Variants in SERPINB9 observed in about 807,000 individuals in gnomAD.
SERPINB9 encodes the protein serpin family B member 9, also known as serpin B9.
A neutral mutation model predicts 27.2 loss-of-function variants in SERPINB9; 20 were observed. That is an observed-to-expected ratio of 0.74 (90% CI 0.52 to 1.07). The LOEUF (loss-of-function observed/expected upper bound fraction) is 1.07. Among genes scored for constraint, SERPINB9 ranks in the 50% least tolerant of loss-of-function variants. SERPINB9 has a pLI of 0.00. For missense variants in SERPINB9, 476 were observed against 460.1 expected, an observed-to-expected ratio of 1.03 and a Z score of -0.32; for synonymous variants, 189 against 180.0, an observed-to-expected ratio of 1.05 and a Z score of -0.40.
chr6:2,897,370 G>T (rs1768035778), intron 2 of SERPINB9, among the ~76,000 whole-genome samples: 2 of 151,994 alleles, frequency 1.3e-5, no homozygotes, highest in African/African-American at 4.8e-5. Flanking sequence ...GGAGGCTGAG[G>T]CAGGAGAATC....
At position 2,896,074 on chromosome 6, in the gene SERPINB9, C is replaced by G. The variant is rs753168197; in HGVS notation, c.285G>C (p.Glu95Asp). ...LLRTANRLFG[E>D]KTCQFLSTFK... Reference sequence around the variant, plus strand: ...TTACTGAGAGGAACTGACAAGTTTTCTCTCCAAAGAGCCTGTTGGCCGTTC... The same window carrying G: ...TTACTGAGAGGAACTGACAAGTTTTGTCTCCAAAGAGCCTGTTGGCCGTTC... The change falls in exon 3 of 7, where the codon GAG (glutamate) becomes GAC (aspartate). Residue 95 changes from glutamate to aspartate, a missense_variant. By Grantham distance (45) the Glu-to-Asp change is conservative. Transcript: ENST00000380698. 3.1e-6 allele frequency: 5 copies of G among 1,613,134 alleles called. No individual in the cohort carries two copies. The East Asian group carries it at 1.1e-4, about 36-fold the overall frequency.
intron 1 of SERPINB9, among the ~76,000 whole-genome samples, chr6:2,902,691 T>C (rs1180432195): frequency 3.9e-5 from 6 of 152,032 alleles, no homozygotes; most frequent in Admixed American, 6.5e-5. Context: ...CTAATTTCTG[T>C]ATTTTTAGTA....
Position 2,895,585 on chromosome 6 carries a change from G to T in SERPINB9, c.307-77C>A. 3 of 863,982 alleles carry T rather than the reference G, an allele frequency of 3.5e-6. No homozygotes were observed. In the South Asian group the frequency reaches 4.4e-5, roughly 13 times the overall value. 53.5% of individuals were successfully genotyped at this position (863,982 alleles called of 1,614,324 possible). On this transcript the variant is annotated intron_variant, in intron 3 of 6. Transcript: ENST00000380698. ...GCAAACTTCCAAAAATTCTAAATAT[G>T]TTATCTTTTTTTAATAAAAAGAATA...
Position 2,890,040 on chromosome 6 carries a change from G to T in SERPINB9, c.*123C>A, listed in dbSNP as rs889219242. 1 of 842,916 alleles carries T rather than the reference G, an allele frequency of 1.2e-6. No individual in the cohort carries two copies. The highest frequency in any genetic ancestry group is 2.0e-5 in the South Asian group (1 of 51,100). 52.2% of individuals were successfully genotyped at this position (842,916 alleles called of 1,614,324 possible). ...TTCATGCTGGCAAATCATGAGGGCA[G>T]ACAGGTAAAGAATCTGCCCTCATCT... On this transcript the variant is annotated 3_prime_UTR_variant, in exon 7 of 7. Transcript: ENST00000380698. The surrounding 1 kb of genome is among the most constrained non-coding windows in gnomAD (Gnocchi z 6.2).
intron 4 of SERPINB9, 37 bp downstream of exon 4, chr6:2,895,354 G>T: frequency 1.5e-6 from 2 of 1,369,062 alleles, no homozygotes; most frequent in East Asian, 2.3e-5. Context: ...GGAGGAGGAC[G>T]GGTTGGGAGG....
chr6:2,890,615 A>C lies in SERPINB9; in HGVS notation c.724-45T>G. ...CTTTAAGATTCCGACTTCAGTGCAC[A>C]TGTACAAGCGCACAGGCACTCACAG... On this transcript the variant is annotated intron_variant, in intron 6 of 6. Transcript: ENST00000380698. This position sits in a 1 kb window ranked among gnomAD's most constrained non-coding sequence, Gnocchi z 6.2. The C allele has an allele frequency of 6.4e-7, 1 of 1,555,360 alleles. No homozygotes were observed. Among genetic ancestry groups the C allele is most frequent in the Non-Finnish European group, 8.8e-7 (1 of 1,141,892 alleles).
intron 3 of SERPINB9, 53 bp from the exon 4 acceptor site, chr6:2,895,561 CA>C: frequency 9.1e-7 from 1 of 1,103,492 alleles, no homozygotes; most frequent in South Asian, 1.3e-5. Flanking sequence ...CAAATGTCAG[CA>C]AACTTCCAAA....
intron 1 of SERPINB9, among the ~76,000 whole-genome samples, chr6:2,902,170 T>G (rs73345442): frequency 0.023 from 3,488 of 152,318 alleles, 127 homozygotes; most frequent in African/African-American, 0.08. Context: ...CAAACACTGT[T>G]GGTCCCCCTT....
chr6:2,898,112 A>G (rs7744863), intron 2 of SERPINB9, among the ~76,000 whole-genome samples: 1,553 of 152,096 alleles, frequency 0.01, 32 homozygotes, highest in African/African-American at 0.036. Context: ...CAAACAAAAA[A>G]CAGAATCTAT....
rs563359233 is a variant in SERPINB9 at position 2,889,649 on chromosome 6, C to G, written c.*514G>C. 2 of 146,442 alleles carry G rather than the reference C, an allele frequency of 1.4e-5. No homozygotes were observed. Among genetic ancestry groups the G allele is most frequent in the South Asian group, 2.1e-4 (1 of 4,656 alleles). The allele number at this position is 146,442 out of a possible 1,614,324, so 9.1% of individuals were successfully genotyped here. On this transcript the variant is annotated 3_prime_UTR_variant, in exon 7 of 7. Coordinates refer to ENST00000380698, the MANE Select transcript of SERPINB9 (RefSeq NM_004155.6). Reference sequence around the variant, plus strand: ...GGCGGAGCTTGCAGTGAGCCGAGATCGAGCCACTGCACTCCAGCCTGGGCG... The same window carrying G: ...GGCGGAGCTTGCAGTGAGCCGAGATGGAGCCACTGCACTCCAGCCTGGGCG...
At chr6:2,902,175 C>T (rs1768227421) in intron 1 of SERPINB9, among the ~76,000 whole-genome samples, 1 of 152,200 alleles carries the variant, frequency 6.6e-6, no homozygotes, top group Admixed American at 6.5e-5. Context: ...ACTGTTGGTC[C>T]CCCTTAGAAG....
intron 1 of SERPINB9, among the ~76,000 whole-genome samples, chr6:2,900,883 TCTCA>T (rs1561648786): frequency 3.8e-5 from 1 of 26,528 alleles, no homozygotes; most frequent in Non-Finnish European, 6.5e-5. Context: ...GAGCTCGCTC[TCTCA>T]CACACACACA....
chr6:2,890,389 G>A lies in SERPINB9; in HGVS notation c.905C>T (p.Ala302Val). The change falls in exon 7 of 7, where the codon GCA becomes GTA. Residue 302 changes from alanine (A) to valine (V), a missense_variant. Ala to Val is a moderately conservative substitution (Grantham distance 64, BLOSUM62 0). Transcript: ENST00000380698. The surrounding 1 kb of genome is among the most constrained non-coding windows in gnomAD (Gnocchi z 6.2). Reference sequence around the variant, plus strand: ...ACACAGGTCTCTCTCCGCTGACATTGCCGACAAGTCAGCCTTGCCCTGTTG... The same window carrying A: ...ACACAGGTCTCTCTCCGCTGACATTACCGACAAGTCAGCCTTGCCCTGTTG... ...AFQQGKADLS[A>V]MSAERDLCLS... is the part of the protein sequence containing the mutation. 3 of 1,614,196 alleles carry A rather than the reference G, an allele frequency of 1.9e-6. No homozygotes were observed. Among genetic ancestry groups the A allele is most frequent in the South Asian group, 2.2e-5 (2 of 91,086 alleles).
chr6:2,897,755 A>C (rs1768049088), intron 2 of SERPINB9, among the ~76,000 whole-genome samples: 1 of 152,220 alleles, frequency 6.6e-6, no homozygotes, highest in African/African-American at 2.4e-5. Flanking sequence ...TACAAAACAG[A>C]CAGCCACCCA....
intron 2 of SERPINB9, among the ~76,000 whole-genome samples, chr6:2,897,268 C>G (rs1449695365): frequency 1.3e-5 from 2 of 152,146 alleles, no homozygotes; most frequent in African/African-American, 4.8e-5. Flanking sequence ...GAGTTCAAGA[C>G]CAGCCTGGCC....
rs147247481 is a variant in SERPINB9, at chr6:2,891,540, G to A, written c.723+293C>T. ...TAAAAGTCTGCCATTCATCAAACTA[G>A]CAGGATTTTTATAAGCTTCCTCCTA... On this transcript the variant is annotated intron_variant, in intron 6 of 6. Coordinates refer to ENST00000380698, the MANE Select transcript of SERPINB9 (RefSeq NM_004155.6). This position sits in a 1 kb window ranked among gnomAD's most constrained non-coding sequence, Gnocchi z 4.0. Among the ~76,000 whole-genome samples, 148 of 152,208 alleles carry A rather than the reference G, an allele frequency of 9.7e-4. No homozygotes were observed. The highest frequency in any genetic ancestry group is 3.3e-3 in the African/African-American group (138 of 41,530).
In SERPINB9 at chr6:2,890,692, G is replaced by T; in HGVS notation, c.724-122C>A. 1 of 919,346 alleles carries T rather than the reference G, an allele frequency of 1.1e-6. No individual in the cohort carries two copies. The highest frequency in any genetic ancestry group is 1.6e-6 in the Non-Finnish European group (1 of 607,256). The allele number at this position is 919,346 out of a possible 1,614,324, so 56.9% of individuals were successfully genotyped here. On this transcript the variant is annotated intron_variant, in intron 6 of 6. Transcript: ENST00000380698. This position sits in a 1 kb window ranked among gnomAD's most constrained non-coding sequence, Gnocchi z 6.2. ...GTTGTTTGTTCACATAGGATCAGTG[G>T]CCCCTTCATCTGCCAGAAGCTTGTG...
chr6:2,900,338 C>T, intron 2 of SERPINB9, 106 bp downstream of exon 2: 2 of 1,409,982 alleles, frequency 1.4e-6, no homozygotes, highest in South Asian at 1.3e-5. Flanking sequence ...CACTCGGGCC[C>T]CAGTCCTGCC....
chr6:2,890,571 C>T lies in SERPINB9; in HGVS notation c.724-1G>A. ...TCTCAAAAGTGAGACTTTTTTCCAC[C>T]TGAAAGACCAGAATTAGACTTTAAG... On this transcript the variant is annotated splice_acceptor_variant, in intron 6 of 6. Transcript: ENST00000380698. LOFTEE classifies it high-confidence loss of function. This position sits in a 1 kb window ranked among gnomAD's most constrained non-coding sequence, Gnocchi z 6.2. 1.9e-6 allele frequency: 3 copies of T among 1,605,454 alleles called. No homozygotes were observed. Among genetic ancestry groups the T allele is most frequent in the Non-Finnish European group, 2.6e-6 (3 of 1,173,550 alleles).
Sources: allele counts gnomAD v4.1 joint callset (sites outside exome capture counted in the v4.1 genomes callset), GRCh38; gene constraint gnomAD v4.1.1; non-coding constraint Gnocchi (gnomAD v3.1); transcripts MANE v1.5; gene names NCBI Gene and HGNC (gene_info 2026-07-23, HGNC 2026-07-21).